The following NPHP4 variants were observed in gnomAD, a reference collection of about 807,000 sequenced individuals.
The protein encoded by NPHP4 is nephrocystin-4.
In NPHP4, 151 loss-of-function variants were observed where a neutral mutation model predicts 155.8. The observed-to-expected ratio is 0.97, with a 90% confidence interval of 0.85 to 1.11. The LOEUF is 1.11. Ranked by LOEUF, NPHP4 falls within the 50% of genes least tolerant of loss-of-function variation. The pLI, the probability that NPHP4 is intolerant of heterozygous loss-of-function variation, is 0.00. For missense variants in NPHP4, 1,956 were observed against 1,925.7 expected (o/e 1.02, Z -0.29); for synonymous variants, 845 against 816.8 (o/e 1.03, Z -0.59).
At chr1:5,991,285 G>A (rs1438260274) in intron 1 of NPHP4, among the ~76,000 whole-genome samples, 1 of 152,080 alleles carries the variant, frequency 6.6e-6, no homozygotes. Context: ...TACCCCCATA[G>A]AATGTAAAGA....
chr1:5,905,534 T>C lies in NPHP4; in HGVS notation c.1764-51A>G. 3 of 1,596,246 alleles carry C rather than the reference T, an allele frequency of 1.9e-6. No individual in the cohort carries two copies. Among genetic ancestry groups the C allele is most frequent in the Non-Finnish European group, 1.7e-6 (2 of 1,166,268 alleles). The stretch of plus-strand genomic sequence containing the variant: ...GCCTCCCGGGAAAGGGGGGACCCAT[T>C]GATGCACCTCCCTGTGGAAACCCTG... On this transcript the variant is annotated intron_variant, in intron 14 of 29. Transcript: ENST00000378156. The surrounding 1 kb of genome is among the most constrained non-coding windows in gnomAD (Gnocchi z 4.0).
intron 3 of NPHP4, among the ~76,000 whole-genome samples, chr1:5,976,887 G>GC (rs1234179411): frequency 4.6e-5 from 7 of 152,270 alleles, no homozygotes; most frequent in Admixed American, 4.6e-4. Flanking sequence ...GCCAGAGCAG[G>GC]CCCCCATGGG....
chr1:5,900,467 A>C (rs1193356660), intron 16 of NPHP4, among the ~76,000 whole-genome samples: 1 of 152,182 alleles, frequency 6.6e-6, no homozygotes, highest in Non-Finnish European at 1.5e-5. Context: ...GAAAAGCTAC[A>C]TACTACATAA....
At chr1:5,875,265 G>A (rs569396156) in intron 20 of NPHP4, among the ~76,000 whole-genome samples, 165 bp from the exon 21 acceptor site, 8 of 152,264 alleles carry the variant, frequency 5.3e-5, no homozygotes, top group African/African-American at 7.2e-5. Context: ...GGAACTGGCC[G>A]GCCCCGCCCA....
Position 5,905,928 on chromosome 1 carries a change from T to G in NPHP4, c.1612-145A>C. 1.4e-6 allele frequency: 1 copy of G among 691,056 alleles called. No homozygotes were observed. The highest frequency in any genetic ancestry group is 2.1e-5 in the South Asian group (1 of 48,654). 42.8% of individuals were successfully genotyped at this position (691,056 alleles called of 1,614,324 possible). Reference sequence around the variant, plus strand: ...CAAATACAAAAGGTTCAATTACACTTGAATTTCAGGTAAACAACAAATGAT... The same window carrying G: ...CAAATACAAAAGGTTCAATTACACTGGAATTTCAGGTAAACAACAAATGAT... On this transcript the variant is annotated intron_variant, in intron 13 of 29. Coordinates refer to ENST00000378156, the MANE Select transcript of NPHP4 (RefSeq NM_015102.5). The surrounding 1 kb of genome is among the most constrained non-coding windows in gnomAD (Gnocchi z 4.0).
At chr1:5,931,093 A>G (rs547547562) in intron 10 of NPHP4, among the ~76,000 whole-genome samples, 3 of 152,190 alleles carry the variant, frequency 2.0e-5, no homozygotes, top group Non-Finnish European at 2.9e-5. Context: ...TACCCACTCC[A>G]GTTTTCTTTT....
chr1:5,927,642 CACTT>C lies in NPHP4; in HGVS notation c.1441+3_1441+6del. 2.5e-6 allele frequency: 4 copies of C among 1,601,106 alleles called. No individual in the cohort carries two copies. Among genetic ancestry groups the C allele is most frequent in the Non-Finnish European group, 2.6e-6 (3 of 1,169,688 alleles). On this transcript the variant is annotated splice_donor_5th_base_variant and intron_variant, in intron 11 of 29. Transcript: ENST00000378156. ...GCCTGGCCAGTCAGCTCTCTGGAAA[CACTT>C]ACTCGAAGGGGACGTGGGTGGTTTC...
chr1:5,928,040 T>C (rs1646100024), intron 10 of NPHP4, among the ~76,000 whole-genome samples: 1 of 152,078 alleles, frequency 6.6e-6, no homozygotes, highest in African/African-American at 2.4e-5. Context: ...CTCTCTCGAG[T>C]TGTGAATGTT....
chr1:5,924,557 G>A (rs907015288), intron 11 of NPHP4, among the ~76,000 whole-genome samples: 7 of 152,154 alleles, frequency 4.6e-5, no homozygotes, highest in Non-Finnish European at 8.8e-5. Context: ...CCAAAAGCCC[G>A]ACAGCAGGAT....
chr1:5,930,013 TG>T (rs1462242359), intron 10 of NPHP4, among the ~76,000 whole-genome samples: 1 of 152,220 alleles, frequency 6.6e-6, no homozygotes, highest in African/African-American at 2.4e-5. Context: ...TACTTCATCT[TG>T]GCTGAGTTTT....
chr1:5,884,275 C>CCCCA (rs1410826999), intron 18 of NPHP4, among the ~76,000 whole-genome samples: 1 of 152,194 alleles, frequency 6.6e-6, no homozygotes, highest in Non-Finnish European at 1.5e-5. Context: ...AACCGTGTGA[C>CCCCA]CCCACAGCCT....
At chr1:5,931,455 G>A (rs369774030) in intron 10 of NPHP4, among the ~76,000 whole-genome samples, 157 of 149,166 alleles carry the variant, frequency 1.1e-3, no homozygotes, top group African/African-American at 3.6e-3. Flanking sequence ...ATACTTTATT[G>A]CTGGCCGGGT....
intron 7 of NPHP4, among the ~76,000 whole-genome samples, chr1:5,951,204 G>A (rs1647943942): frequency 6.6e-6 from 1 of 152,208 alleles, no homozygotes; most frequent in Non-Finnish European, 1.5e-5. Flanking sequence ...GTGCCTCTGT[G>A]GGTGCCGGGC....
rs1643976046 is a variant in NPHP4 at position 5,889,084 on chromosome 1, T to C, written c.2305-1618A>G. ...AGGCAGCACAGGAGCCGTCCGTCCC[T>C]AGAGGAAACTCTTCTCATCGTCGTA... On this transcript the variant is annotated intron_variant, in intron 17 of 29. Coordinates refer to ENST00000378156, the MANE Select transcript of NPHP4 (RefSeq NM_015102.5). The surrounding 1 kb of genome is among the most constrained non-coding windows in gnomAD (Gnocchi z 4.2). Among the ~76,000 whole-genome samples, 1 of 152,204 alleles carries C rather than the reference T, an allele frequency of 6.6e-6. No individual in the cohort carries two copies. The highest frequency in any genetic ancestry group is 2.4e-5 in the African/African-American group (1 of 41,440).
intron 16 of NPHP4, among the ~76,000 whole-genome samples, chr1:5,897,482 T>G (rs1230625357): frequency 6.6e-6 from 1 of 152,164 alleles, no homozygotes; most frequent in African/African-American, 2.4e-5. Context: ...AATGAAGTGT[T>G]CATGCTGAGA....
At chr1:5,966,586 A>G (rs1440126144) in intron 5 of NPHP4, among the ~76,000 whole-genome samples, 1 of 152,190 alleles carries the variant, frequency 6.6e-6, no homozygotes, top group East Asian at 1.9e-4. Context: ...CACACATGAC[A>G]TCCCCTTCGA....
At position 5,907,124 on chromosome 1, in the gene NPHP4, C is replaced by T. The variant is rs1335554286; in HGVS notation, c.1602G>A (p.Pro534=). ...SQLPHGSQAS[P]AQAQEFPLEA... Reference sequence around the variant, plus strand: ...GGTGGGCGGCACTTACTGCCTGGGCCGGGGAGGCCTGAGAGCCATGGGGTA... The same window carrying T: ...GGTGGGCGGCACTTACTGCCTGGGCTGGGGAGGCCTGAGAGCCATGGGGTA... Residue 534 remains proline (P), a synonymous_variant, in exon 13 of 30, where the codon CCG becomes CCA. Transcript: ENST00000378156. The T allele has an allele frequency of 7.2e-6, 11 of 1,534,172 alleles. No individual in the cohort carries two copies. The highest frequency in any genetic ancestry group is 2.4e-5 in the East Asian group (1 of 40,846).
rs1247875242 is a variant in NPHP4, at chr1:5,889,800, T to G, written c.2304+1068A>C. Among the ~76,000 whole-genome samples the G allele has an allele frequency of 6.6e-6, 1 of 152,054 alleles. No individual in the cohort carries two copies. Among genetic ancestry groups the G allele is most frequent in the Non-Finnish European group, 1.5e-5 (1 of 68,000 alleles). ...CCCCAACAGGAACAGAGGCCCAGGG[T>G]GAGGCATGAGAAGAGCAGCCAAGCC... is the stretch of plus-strand genomic sequence containing the variant. On this transcript the variant is annotated intron_variant, in intron 17 of 29. Transcript: ENST00000378156. The surrounding 1 kb of genome is among the most constrained non-coding windows in gnomAD (Gnocchi z 4.2).
At chr1:5,876,185 G>A (rs1642581177) in intron 20 of NPHP4, 1 of 152,100 alleles carries the variant, frequency 6.6e-6, no homozygotes, top group Non-Finnish European at 1.5e-5. Context: ...ATCCAGGCTA[G>A]GGGCCTCCAG....
Sources: allele counts gnomAD v4.1 joint callset (sites outside exome capture counted in the v4.1 genomes callset), GRCh38; gene constraint gnomAD v4.1.1; non-coding constraint Gnocchi (gnomAD v3.1); transcripts MANE v1.5; gene names NCBI Gene and HGNC (gene_info 2026-07-23, HGNC 2026-07-21).